The following FRMD4B variants were observed in gnomAD, a reference collection of about 807,000 sequenced individuals.
FRMD4B encodes the protein FERM domain-containing protein 4B.
In FRMD4B, 74 loss-of-function variants were observed where a neutral mutation model predicts 141.5. The ratio of observed to expected loss-of-function variants is 0.52; its 90% CI spans 0.43 to 0.63. The LOEUF (loss-of-function observed/expected upper bound fraction) is 0.63, where lower values mean the gene tolerates loss of function less well. Ranked by LOEUF, FRMD4B falls within the 30% of genes least tolerant of loss-of-function variation. FRMD4B has a pLI of 0.00. For synonymous variants in FRMD4B, 506 were observed against 467.9 expected (o/e 1.08, Z -1.05); for missense variants, 1,366 against 1,253.4 (o/e 1.09, Z -1.36).
At chr3:69,366,278 CAAAAACA>C (rs1703652013) in intron 1 of FRMD4B, among the ~76,000 whole-genome samples, 1 of 103,262 alleles carries the variant, frequency 9.7e-6, no homozygotes, top group Non-Finnish European at 2.0e-5. Context: ...AAAACAAAAA[CAAAAACA>C]AAAAAAATTG....
intron 1 of FRMD4B, among the ~76,000 whole-genome samples, chr3:69,465,183 C>T (rs75219484): frequency 0.026 from 4,001 of 151,944 alleles, 167 homozygotes; most frequent in African/African-American, 0.09. Context: ...AGCCTGGCGC[C>T]GTGGCAGGCA....
intron 1 of FRMD4B, among the ~76,000 whole-genome samples, chr3:69,497,107 A>G (rs1706416365): frequency 1.3e-5 from 2 of 152,178 alleles, no homozygotes; most frequent in Admixed American, 6.5e-5. Flanking sequence ...TTTAAGGGCT[A>G]TCACAAGGTC....
At chr3:69,324,814 C>T (rs1367912984) in intron 1 of FRMD4B, among the ~76,000 whole-genome samples, 2 of 151,904 alleles carry the variant, frequency 1.3e-5, no homozygotes, top group African/African-American at 2.4e-5. Context: ...TGGAGAAGGC[C>T]GGATGTGGTG....
At position 69,176,601 on chromosome 3, in the gene FRMD4B, C is replaced by CTAT; in HGVS notation, c.2906_2907insATA (p.Ser969_Asp970insTer). On this transcript the variant is annotated stop_gained and inframe_insertion, in exon 22 of 23. Transcript: ENST00000398540. LOFTEE classifies it high-confidence loss of function. ...AAGAATGTGCTGGAGTCTCGTAATCCGACAGCCCTATGGTTAACTGGGTCC... is the reference window on the plus strand; with the variant it reads ...AAGAATGTGCTGGAGTCTCGTAATCCTATGACAGCCCTATGGTTAACTGGGTCC... 1 of 1,606,720 alleles carries CTAT rather than the reference C, an allele frequency of 6.2e-7. No individual in the cohort carries two copies. The highest frequency in any genetic ancestry group is 8.5e-7 in the Non-Finnish European group (1 of 1,173,304).
chr3:69,530,848 T>G (rs573725043), intron 1 of FRMD4B, among the ~76,000 whole-genome samples: 72 of 152,174 alleles, frequency 4.7e-4, no homozygotes, highest in Non-Finnish European at 8.4e-4. Flanking sequence ...TCAGCAAAAA[T>G]GCCTTCAGAA....
intron 1 of FRMD4B, among the ~76,000 whole-genome samples, chr3:69,349,435 G>A (rs11128126): frequency 0.28 from 43,215 of 152,004 alleles, 7,492 homozygotes; most frequent in East Asian, 0.61. Flanking sequence ...TTCCCATCAA[G>A]CTACCAATGA....
intron 22 of FRMD4B, among the ~76,000 whole-genome samples, chr3:69,172,305 G>C (rs927538435): frequency 6.6e-6 from 1 of 152,134 alleles, no homozygotes; most frequent in Admixed American, 6.5e-5. Flanking sequence ...CAAATAACTT[G>C]TCTAGTAAAA....
chr3:69,182,762 A>G (rs1182917831), intron 19 of FRMD4B, 45 bp from the exon 20 acceptor site: 1 of 1,592,740 alleles, frequency 6.3e-7, no homozygotes, highest in Non-Finnish European at 8.6e-7. Context: ...GAGTCTCTCA[A>G]CATCTCTGGC....
At chr3:69,455,168 C>G (rs1382661200) in intron 1 of FRMD4B, among the ~76,000 whole-genome samples, 1 of 152,208 alleles carries the variant, frequency 6.6e-6, no homozygotes, top group Non-Finnish European at 1.5e-5. Flanking sequence ...AATCAGCTCT[C>G]TGTAAAATGG....
At chr3:69,476,521 T>C (rs376485740) in intron 1 of FRMD4B, among the ~76,000 whole-genome samples, 2 of 152,256 alleles carry the variant, frequency 1.3e-5, no homozygotes, top group Admixed American at 6.5e-5. Flanking sequence ...TGTAGATATG[T>C]GGCATTATTT....
At position 69,326,565 on chromosome 3, in the gene FRMD4B, T is replaced by C. The variant is rs192654935; in HGVS notation, c.163-13048A>G. ...CCTATGCCATCTGCTTTTACATACATTTTCCCCATTGAGCTCTCAAACCTA... is the reference window on the plus strand; with the variant it reads ...CCTATGCCATCTGCTTTTACATACACTTTCCCCATTGAGCTCTCAAACCTA... On this transcript the variant is annotated intron_variant, in intron 1 of 22. Transcript: ENST00000398540. 3.8e-3 allele frequency among the ~76,000 whole-genome samples: 575 copies of C among 152,328 alleles called. 3 individuals are homozygous for C. Among genetic ancestry groups the C allele is most frequent in the African/African-American group, 0.013 (548 of 41,580 alleles).
intron 11 of FRMD4B, among the ~76,000 whole-genome samples, chr3:69,199,951 C>T (rs1456830098): frequency 6.6e-6 from 1 of 151,232 alleles, no homozygotes; most frequent in Non-Finnish European, 1.5e-5. Flanking sequence ...TCAAATTCCT[C>T]TTCTCTGCCC....
chr3:69,402,955 T>G (rs529254639), intron 2 of FRMD4B, among the ~76,000 whole-genome samples: 1 of 152,350 alleles, frequency 6.6e-6, no homozygotes, highest in East Asian at 1.9e-4. Context: ...TTCTGTATTA[T>G]GGTATTAATC....
At chr3:69,379,013 T>C (rs1704046170) in intron 1 of FRMD4B, among the ~76,000 whole-genome samples, 1 of 152,178 alleles carries the variant, frequency 6.6e-6, no homozygotes, top group African/African-American at 2.4e-5. Flanking sequence ...GGCAAAGCCC[T>C]TTCATAGACC....
At chr3:69,498,799 G>A (rs1349240253) in intron 1 of FRMD4B, among the ~76,000 whole-genome samples, 3 of 152,052 alleles carry the variant, frequency 2.0e-5, no homozygotes, top group Non-Finnish European at 4.4e-5. Context: ...ATTATTCAAA[G>A]CTTATATTTA....
At chr3:69,378,103 AG>A (rs1053556019) in intron 1 of FRMD4B, among the ~76,000 whole-genome samples, 3 of 151,892 alleles carry the variant, frequency 2.0e-5, no homozygotes, top group Non-Finnish European at 2.9e-5. Context: ...TACAGGCTTC[AG>A]TCACCAATCC....
At chr3:69,343,321 G>A (rs1390599219) in intron 1 of FRMD4B, among the ~76,000 whole-genome samples, 1 of 152,126 alleles carries the variant, frequency 6.6e-6, no homozygotes, top group Non-Finnish European at 1.5e-5. Flanking sequence ...CAATGACAAA[G>A]TAGGATTTAC....
chr3:69,313,609 G>C (rs1033519489), intron 1 of FRMD4B, 92 bp from the exon 2 acceptor site: 9 of 767,294 alleles, frequency 1.2e-5, no homozygotes, highest in Non-Finnish European at 1.7e-5. Context: ...TATGAGATGG[G>C]CTCAGCCTAA....
chr3:69,280,301 G>T (rs192019503), intron 5 of FRMD4B, among the ~76,000 whole-genome samples: 2 of 152,072 alleles, frequency 1.3e-5, no homozygotes, highest in Non-Finnish European at 2.9e-5. Flanking sequence ...AGGGGCCCTC[G>T]CTTGAACAAC....
Sources: gnomAD v4.1 joint callset for allele counts (sites outside exome capture counted in the v4.1 genomes callset) on GRCh38, gnomAD v4.1.1 for gene constraint, MANE v1.5 for transcripts, NCBI Gene and HGNC (gene_info 2026-07-23, HGNC 2026-07-21) for gene names.